The following GSE1 variants were observed in gnomAD, a reference collection of about 807,000 sequenced individuals.
GSE1 encodes Gse1 coiled-coil protein.
A neutral mutation model predicts 112.6 loss-of-function variants in GSE1; 32 were observed. That is an observed-to-expected ratio of 0.28 (90% confidence interval 0.21 to 0.38). The LOEUF is 0.38. Ranked by LOEUF, GSE1 falls within the 10% of genes least tolerant of loss-of-function variation. The pLI is 1.00. For missense variants in GSE1, 2,348 were observed against 1,699.2 expected (o/e 1.38, Z -6.71); for synonymous variants, 1,115 against 735.6 (o/e 1.52, Z -8.35).
intron 2 of GSE1, among the ~76,000 whole-genome samples, chr16:85,408,871 A>G (rs1252756980): frequency 8.5e-5 from 2 of 23,426 alleles, no homozygotes; most frequent in Admixed American, 4.0e-4. Context: ...CCTCACTGTT[A>G]CACTCAGGCC....
intron 1 of GSE1, among the ~76,000 whole-genome samples, chr16:85,191,686 A>C (rs1385369763): frequency 6.6e-6 from 1 of 152,194 alleles, no homozygotes; most frequent in Non-Finnish European, 1.5e-5. Flanking sequence ...TGTTGCTACA[A>C]ACATAGTCCT....
At chr16:85,322,614 CTTT>C (rs34218941) in intron 1 of GSE1, among the ~76,000 whole-genome samples, 58 of 126,192 alleles carry the variant, frequency 4.6e-4, no homozygotes, top group Admixed American at 6.4e-4. Flanking sequence ...CTCCATTTTG[CTTT>C]TTTTTTTTTT....
intron 2 of GSE1, among the ~76,000 whole-genome samples, chr16:85,544,525 G>A (rs1216272754): frequency 1.3e-5 from 2 of 152,194 alleles, no homozygotes; most frequent in Non-Finnish European, 2.9e-5. Flanking sequence ...GGCAGAGAAG[G>A]ACACAGAGGG....
intron 2 of GSE1, among the ~76,000 whole-genome samples, chr16:85,408,459 C>G (rs2048379131): frequency 1.8e-5 from 1 of 54,128 alleles, no homozygotes; most frequent in African/African-American, 8.9e-5. Context: ...TCAGGGACCC[C>G]TGGATAATCC....
chr16:85,224,858 G>A (rs2075456433), intron 1 of GSE1, among the ~76,000 whole-genome samples: 1 of 151,190 alleles, frequency 6.6e-6, no homozygotes, highest in Non-Finnish European at 1.5e-5. Context: ...AATTAGCCAG[G>A]TGTGGTGGCA....
In GSE1 at chr16:85,634,333, T is replaced by G. The variant is rs76909643; in HGVS notation, c.226+201T>G. Among the ~76,000 whole-genome samples, 339 of 152,346 alleles carry G rather than the reference T, an allele frequency of 2.2e-3. 4 individuals carry two copies. The highest frequency in any genetic ancestry group is 7.8e-3 in the African/African-American group (323 of 41,582). Reference sequence around the variant, plus strand: ...CAGCACCTCCGCTTTGCCTCTGTGCTTCTGTCTCTCCTGCCTCTGTCCTTC... The same window carrying G: ...CAGCACCTCCGCTTTGCCTCTGTGCGTCTGTCTCTCCTGCCTCTGTCCTTC... On this transcript the variant is annotated intron_variant, in intron 2 of 15. Coordinates refer to ENST00000253458, the MANE Select transcript of GSE1 (RefSeq NM_014615.5).
intron 2 of GSE1, among the ~76,000 whole-genome samples, chr16:85,520,454 G>A (rs1442328202): frequency 1.3e-5 from 2 of 150,974 alleles, no homozygotes; most frequent in African/African-American, 4.9e-5. Flanking sequence ...TTTTTGAGAA[G>A]GAGTGTCACT....
At chr16:85,209,812 G>A (rs1193088919) in intron 1 of GSE1, among the ~76,000 whole-genome samples, 1 of 152,194 alleles carries the variant, frequency 6.6e-6, no homozygotes, top group African/African-American at 2.4e-5. Flanking sequence ...GCTGGGAGAG[G>A]GTTAGGGGTC....
chr16:85,627,249 G>A (rs2049159468), intron 1 of GSE1, among the ~76,000 whole-genome samples: 1 of 151,078 alleles, frequency 6.6e-6, no homozygotes, highest in Non-Finnish European at 1.5e-5. Flanking sequence ...GGACCTGAGG[G>A]TTTTGCGGTG....
chr16:85,219,834 C>A (rs2075362343), intron 1 of GSE1, among the ~76,000 whole-genome samples: 1 of 152,218 alleles, frequency 6.6e-6, no homozygotes, highest in Non-Finnish European at 1.5e-5. Context: ...CACCAAGGGC[C>A]CCCAAGCCGA....
rs1463207294 is a variant in GSE1 at position 85,507,126 on chromosome 16, G to A, written c.2465-126788G>A. 3.9e-5 allele frequency among the ~76,000 whole-genome samples: 6 copies of A among 152,284 alleles called. No individual in the cohort carries two copies. The South Asian group carries it at 8.3e-4, about 21-fold the overall frequency. ...TGTGTGGCTGAGAAGATCCATCAGC[G>A]GGCGTCGTCGACGCTCGCCGGCCCT... On this transcript the variant is annotated intron_variant, in intron 2 of 2. Coordinates refer to the GSE1 transcript ENST00000637419.
chr16:85,291,523 G>A (rs1346671916), intron 1 of GSE1, among the ~76,000 whole-genome samples: 4 of 152,220 alleles, frequency 2.6e-5, no homozygotes, highest in Admixed American at 6.5e-5. Flanking sequence ...TCGAATAAAG[G>A]GCTGTCGGCC....
chr16:85,613,696 A>G (rs1230207059), intron 1 of GSE1, among the ~76,000 whole-genome samples: 2 of 52,276 alleles, frequency 3.8e-5, no homozygotes, highest in Non-Finnish European at 4.0e-5. Context: ...TGCGGGCTAG[A>G]GGGCAGGTAA....
chr16:85,605,378 A>G (rs1400112291), intron 1 of GSE1, among the ~76,000 whole-genome samples: 1 of 152,044 alleles, frequency 6.6e-6, no homozygotes, highest in African/African-American at 2.4e-5. Flanking sequence ...CTCCCTGCCC[A>G]TCTGGTCTGG....
In GSE1 at chr16:85,676,200, A is replaced by C. The variant is rs997112844; in HGVS notation, c.*3661A>C. On this transcript the variant is annotated 3_prime_UTR_variant, in exon 16 of 16. Coordinates refer to ENST00000253458, the MANE Select transcript of GSE1 (RefSeq NM_014615.5). The stretch of plus-strand genomic sequence containing the variant: ...CCAAAAAATAAAATCTTCCTAAATT[A>C]TGTTAAGAGGAAAATCTTTTTTATG... 6.5e-6 allele frequency: 1 copy of C among 152,690 alleles called. No homozygotes were observed. Among genetic ancestry groups the C allele is most frequent in the Non-Finnish European group, 1.5e-5 (1 of 68,050 alleles). 9.5% of individuals were successfully genotyped at this position (152,690 alleles called of 1,614,324 possible). A position where few individuals can be genotyped will look rare whatever the true frequency, so the allele number is the denominator to read the frequency against.
intron 1 of GSE1, among the ~76,000 whole-genome samples, chr16:85,182,159 C>G (rs944829715): frequency 6.6e-6 from 1 of 152,148 alleles, no homozygotes; most frequent in Admixed American, 6.5e-5. Context: ...CTCCCCCACC[C>G]TCCCCGCCCC....
intron 5 of GSE1, among the ~76,000 whole-genome samples, chr16:85,655,500 G>A (rs1462797924): frequency 6.6e-6 from 1 of 152,210 alleles, no homozygotes; most frequent in Non-Finnish European, 1.5e-5. Flanking sequence ...GCTGAGCCGA[G>A]GGAGGTGGCA....
chr16:85,402,729 C>G (rs893435986), intron 2 of GSE1, among the ~76,000 whole-genome samples: 1 of 152,098 alleles, frequency 6.6e-6, no homozygotes, highest in African/African-American at 2.4e-5. Context: ...CAAGACCAGC[C>G]TGGACAACAT....
chr16:85,478,179 G>A (rs78355695), intron 2 of GSE1, among the ~76,000 whole-genome samples: 8,810 of 152,156 alleles, frequency 0.058, 401 homozygotes, highest in African/African-American at 0.13. Flanking sequence ...TTCACGGTTC[G>A]TCCGTGCAGC....
Sources: allele counts gnomAD v4.1 joint callset (sites outside exome capture counted in the v4.1 genomes callset), GRCh38; gene constraint gnomAD v4.1.1; transcripts MANE v1.5; gene names NCBI Gene and HGNC (gene_info 2026-07-23, HGNC 2026-07-21).